The following AHI1 variants were observed in gnomAD, a reference collection of about 807,000 sequenced individuals.
AHI1 encodes Abelson helper integration site 1.
A neutral mutation model predicts 149.3 loss-of-function variants in AHI1; 123 were observed. That is an observed-to-expected ratio of 0.82 (90% CI 0.71 to 0.96). The LOEUF is 0.96. AHI1 is among the 40% of genes least tolerant of loss of function. AHI1 has a pLI of 0.00. For synonymous variants in AHI1, 475 were observed against 459.8 expected, an observed-to-expected ratio of 1.03 and a Z score of -0.42; for missense variants, 1,439 against 1,422.7, an observed-to-expected ratio of 1.01 and a Z score of -0.18.
intron 24 of AHI1, among the ~76,000 whole-genome samples, chr6:135,349,702 C>T (rs1190358770): frequency 6.6e-6 from 1 of 152,174 alleles, no homozygotes; most frequent in Non-Finnish European, 1.5e-5. Context: ...TTCAAAGGAT[C>T]ACCACTAGAG....
At chr6:135,409,154 C>T (rs1014491302) in intron 21 of AHI1, among the ~76,000 whole-genome samples, 1 of 151,996 alleles carries the variant, frequency 6.6e-6, no homozygotes, top group Admixed American at 6.6e-5. Context: ...TAATTATTTG[C>T]ATGTTAAAAG....
chr6:135,387,332 GT>G (rs1348575161), intron 23 of AHI1, among the ~76,000 whole-genome samples: 2 of 152,200 alleles, frequency 1.3e-5, no homozygotes, highest in Non-Finnish European at 2.9e-5. Context: ...GAGTTCTGTT[GT>G]TGCTTTTGTT....
At chr6:135,357,808 A>T (rs1170019951) in intron 24 of AHI1, among the ~76,000 whole-genome samples, 2 of 152,230 alleles carry the variant, frequency 1.3e-5, no homozygotes, top group East Asian at 3.8e-4. Flanking sequence ...TTCTATAATA[A>T]TAAAGCAAAG....
At chr6:135,303,665 G>C (rs558520599) in intron 26 of AHI1, among the ~76,000 whole-genome samples, 1 of 152,090 alleles carries the variant, frequency 6.6e-6, no homozygotes, top group Non-Finnish European at 1.5e-5. Flanking sequence ...AGTTACCAAG[G>C]TTATAGAGGT....
chr6:135,428,181 A>T (rs1483962044), intron 19 of AHI1, among the ~76,000 whole-genome samples: 1 of 151,650 alleles, frequency 6.6e-6, no homozygotes, highest in African/African-American at 2.4e-5. Context: ...ACTGAACTGC[A>T]GTATTTCAGG....
At chr6:135,290,580 A>T in intron 27 of AHI1, 55 bp from the exon 28 acceptor site, 1 of 1,584,114 alleles carries the variant, frequency 6.3e-7, no homozygotes, top group East Asian at 2.2e-5. Context: ...CTGAGCTAAA[A>T]GCTCAGATGA....
intron 21 of AHI1, among the ~76,000 whole-genome samples, chr6:135,410,319 ATGATC>A (rs1394144799): frequency 6.6e-6 from 1 of 152,194 alleles, no homozygotes; most frequent in African/African-American, 2.4e-5. Flanking sequence ...GCAGTGAGCA[ATGATC>A]ACACCACTGC....
chr6:135,285,707 A>G, intron 28 of AHI1, 60 bp from the exon 29 acceptor site: 4 of 1,443,348 alleles, frequency 2.8e-6, no homozygotes, highest in South Asian at 1.2e-5. Context: ...TCTGACTACA[A>G]CCAAATCTTA....
At chr6:135,292,587 T>C (rs1193467164) in intron 27 of AHI1, among the ~76,000 whole-genome samples, 1 of 152,178 alleles carries the variant, frequency 6.6e-6, no homozygotes, top group Non-Finnish European at 1.5e-5. Flanking sequence ...AGCAGTGAAC[T>C]GATGAGTGCA....
In AHI1 at chr6:135,457,505, C is replaced by T; in HGVS notation, c.1140G>A (p.Lys380=). 6.2e-7 allele frequency: 1 copy of T among 1,610,980 alleles called. No individual in the cohort carries two copies. Among genetic ancestry groups the T allele is most frequent in the Non-Finnish European group, 8.5e-7 (1 of 1,177,796 alleles). ...TTAAAAAAAATTACCTATCATCTTT[C>T]TTGACATATTGACCAGTATGCTCAT... ...VVDEHTGQYV[K]KDDSGRPVSS... The change falls in exon 9 of 29, where the codon AAG becomes AAA. Residue 380 remains lysine (K), a synonymous_variant. Coordinates refer to ENST00000265602, the MANE Select transcript of AHI1 (RefSeq NM_001134831.2).
At chr6:135,435,725 C>T (rs756567369) in intron 15 of AHI1, among the ~76,000 whole-genome samples, 1 of 152,156 alleles carries the variant, frequency 6.6e-6, no homozygotes, top group Non-Finnish European at 1.5e-5. Flanking sequence ...ATAATTTTAG[C>T]ACAGCAGAGA....
Position 135,358,415 on chromosome 6 carries a change from G to C in AHI1, c.3110-228C>G, listed in dbSNP as rs144615148. 2.4e-3 allele frequency among the ~76,000 whole-genome samples: 369 copies of C among 152,250 alleles called. 4 individuals are homozygous for C. The highest frequency in any genetic ancestry group is 8.3e-3 in the African/African-American group (346 of 41,556). ...TAGCTAAGCCTTTTTTCCCATTCAA[G>C]TGATGTCTAGCAATAGCGCAAGATG... On this transcript the variant is annotated intron_variant, in intron 23 of 28. Transcript: ENST00000265602.
At chr6:135,339,804 T>A (rs1790011852) in intron 24 of AHI1, among the ~76,000 whole-genome samples, 1 of 152,060 alleles carries the variant, frequency 6.6e-6, no homozygotes, top group Non-Finnish European at 1.5e-5. Flanking sequence ...ATCTGCACAT[T>A]GACAAGCTAA....
intron 23 of AHI1, among the ~76,000 whole-genome samples, chr6:135,362,247 T>G (rs777154154): frequency 6.6e-6 from 1 of 152,180 alleles, no homozygotes; most frequent in Non-Finnish European, 1.5e-5. Flanking sequence ...CTGCTATATA[T>G]AAACATGTGT....
At chr6:135,308,655 T>C (rs1252800615) in intron 26 of AHI1, among the ~76,000 whole-genome samples, 1 of 152,132 alleles carries the variant, frequency 6.6e-6, no homozygotes, top group East Asian at 1.9e-4. Context: ...TGTAAGAAAA[T>C]GAGATGTGGC....
chr6:135,302,382 T>G (rs376726390), intron 26 of AHI1: 1 of 988,774 alleles, frequency 1.0e-6, no homozygotes. Flanking sequence ...CTTTTAATTA[T>G]TTTTTGTTAT....
In AHI1 at chr6:135,358,149, C is replaced by T. The variant is rs1793281184; in HGVS notation, c.3148G>A (p.Val1050Ile). ...TGTCTTACCGTTGGTGCTGTATCTA[C>T]CTGATGGTTACAAGGCTTTCTTTCT... ...SIERKPCNHQVDTAPTVVALY... is the reference protein window; with the variant it reads ...SIERKPCNHQIDTAPTVVALY... The change falls in exon 24 of 29, where the codon GTA (valine) becomes ATA (isoleucine). Residue 1050 changes from valine to isoleucine, a missense_variant. Val to Ile is a conservative substitution (Grantham distance 29). Coordinates refer to ENST00000265602, the MANE Select transcript of AHI1 (RefSeq NM_001134831.2). The T allele has an allele frequency of 6.2e-7, 1 of 1,613,108 alleles. No individual in the cohort carries two copies. The highest frequency in any genetic ancestry group is 8.5e-7 in the Non-Finnish European group (1 of 1,179,482).
At chr6:135,341,545 A>G (rs1333331000) in intron 24 of AHI1, among the ~76,000 whole-genome samples, 1 of 152,050 alleles carries the variant, frequency 6.6e-6, no homozygotes, top group African/African-American at 2.4e-5. Context: ...TTGTCCACAG[A>G]ACATTCTCTA....
chr6:135,294,698 C>CAAAAAAAAAAAAAAAAAAAAAAAA (rs56734547), intron 27 of AHI1, among the ~76,000 whole-genome samples: 7 of 68,008 alleles, frequency 1.0e-4, no homozygotes, highest in Admixed American at 3.7e-4. Context: ...TCTCCAAATG[C>CAAAAAAAAAAAAAAAAAAAAAAAA]AAAAAAAAAA....
Sources: gnomAD v4.1 joint callset for allele counts (sites outside exome capture counted in the v4.1 genomes callset) on GRCh38, gnomAD v4.1.1 for gene constraint, MANE v1.5 for transcripts, NCBI Gene and HGNC (gene_info 2026-07-23, HGNC 2026-07-21) for gene names.